Variants in NR1I3 observed in about 807,000 individuals in gnomAD.
NR1I3 encodes the protein constitutive activator of retinoid response.
In NR1I3, 30 loss-of-function variants were observed where a neutral mutation model predicts 38.4. The observed-to-expected ratio is 0.78, with a 90% confidence interval of 0.58 to 1.06. The LOEUF (loss-of-function observed/expected upper bound fraction) is 1.06. Ranked by LOEUF, NR1I3 falls within the 50% of genes least tolerant of loss-of-function variation. The pLI, the probability that NR1I3 is intolerant of heterozygous loss-of-function variation, is 0.00. For missense variants in NR1I3, 388 were observed against 435.7 expected, an observed-to-expected ratio of 0.89 and a Z score of 0.97; for synonymous variants, 143 against 165.1, an observed-to-expected ratio of 0.87 and a Z score of 1.03.
chr1:161,234,499 C>T (rs936553730), intron 3 of NR1I3, among the ~76,000 whole-genome samples: 9 of 152,318 alleles, frequency 5.9e-5, no homozygotes, highest in Admixed American at 5.2e-4. Context: ...TAGTGAGAAT[C>T]GTGTGATATG....
At chr1:161,230,734 A>T (rs780874375) in intron 8 of NR1I3, 79 bp downstream of exon 8, 7 of 1,595,160 alleles carry the variant, frequency 4.4e-6, no homozygotes, top group Non-Finnish European at 5.1e-6. Flanking sequence ...CAGTAAAAAA[A>T]CATTCCTCCC....
At chr1:161,237,027 C>T (rs184235521) in intron 1 of NR1I3, among the ~76,000 whole-genome samples, 1 of 150,762 alleles carries the variant, frequency 6.6e-6, no homozygotes, top group African/African-American at 2.4e-5. Flanking sequence ...ACTCTGTTGC[C>T]TAGTGTTGCC....
chr1:161,237,945 A>C, intron 1 of NR1I3, 96 bp downstream of exon 1: 1 of 1,274,858 alleles, frequency 7.8e-7, no homozygotes. Context: ...TGGCCTCCCA[A>C]AGTGCTGGAA....
In NR1I3 at chr1:161,229,792, T is replaced by A; in HGVS notation, c.*5A>T. 6.2e-7 allele frequency: 1 copy of A among 1,614,214 alleles called. No homozygotes were observed. Among genetic ancestry groups the A allele is most frequent in the Non-Finnish European group, 8.5e-7 (1 of 1,180,036 alleles). On this transcript the variant is annotated 3_prime_UTR_variant, in exon 9 of 9. Coordinates refer to ENST00000367983, the MANE Select transcript of NR1I3 (RefSeq NM_005122.5). The stretch of plus-strand genomic sequence containing the variant: ...GGTGAGCTGGGGAAGGAAGTGAGCA[T>A]GGCCTCAGCTGCAGATCTCCTGGAG...
intron 3 of NR1I3, among the ~76,000 whole-genome samples, chr1:161,234,177 A>G (rs966998795): frequency 1.5e-5 from 2 of 129,452 alleles, no homozygotes; most frequent in Non-Finnish European, 3.4e-5. Flanking sequence ...TTTTTTTTGT[A>G]TTTTTAGTAG....
At position 161,238,037 on chromosome 1, in the gene NR1I3, C is replaced by T; in HGVS notation, c.-34+4G>A. 1 of 1,613,406 alleles carries T rather than the reference C, an allele frequency of 6.2e-7. No individual in the cohort carries two copies. ...TAGTCTTTGGTCCCCAACAGATTTCCTACCTGCTTCTCTTAGGCAGCATGT... is the reference window on the plus strand; with the variant it reads ...TAGTCTTTGGTCCCCAACAGATTTCTTACCTGCTTCTCTTAGGCAGCATGT... On this transcript the variant is annotated splice_donor_region_variant and intron_variant, in intron 1 of 8. Coordinates refer to ENST00000367983, the MANE Select transcript of NR1I3 (RefSeq NM_005122.5).
chr1:161,230,998 T>C (rs1460554488), intron 7 of NR1I3, 80 bp from the exon 8 acceptor site: 20 of 1,612,700 alleles, frequency 1.2e-5, no homozygotes, highest in Non-Finnish European at 1.6e-5. Context: ...GAGGCTGGGA[T>C]AGACCTAGTC....
At chr1:161,230,682 A>G in intron 8 of NR1I3, 131 bp downstream of exon 8, 7 of 1,173,268 alleles carry the variant, frequency 6.0e-6, no homozygotes, top group Admixed American at 2.2e-5. Context: ...GGCCAGGGGG[A>G]AGGACTAGAC....
At chr1:161,235,804 A>C (rs762033528) in intron 3 of NR1I3, 43 bp downstream of exon 3, 1 of 1,612,610 alleles carries the variant, frequency 6.2e-7, no homozygotes, top group Non-Finnish European at 8.5e-7. Flanking sequence ...GGACAAAGAC[A>C]GACGCAGTCA....
intron 8 of NR1I3, 84 bp from the exon 9 acceptor site, chr1:161,230,010 G>C: frequency 6.6e-7 from 1 of 1,512,846 alleles, no homozygotes; most frequent in Non-Finnish European, 9.1e-7. Flanking sequence ...CTGATCCCCT[G>C]AACTATTCCT....
At position 161,235,264 on chromosome 1, in the gene NR1I3, T is replaced by TTC. The variant is rs1558123041; in HGVS notation, c.238+582_238+583insGA. 1.7e-5 allele frequency: 2 copies of TTC among 115,642 alleles called. 1 individual carries two copies. 7.2% of individuals were successfully genotyped at this position (115,642 alleles called of 1,614,324 possible). On this transcript the variant is annotated intron_variant, in intron 3 of 8. Coordinates refer to ENST00000367983, the MANE Select transcript of NR1I3 (RefSeq NM_005122.5). ...GGAAGAGTGCGCTTGGTGTTTTTTT[T>TTC]TTTTTTTTTTTTTTTTTTGAGTCGG...
chr1:161,231,973 CTTA>C (rs1667424655), intron 5 of NR1I3, among the ~76,000 whole-genome samples: 2 of 150,696 alleles, frequency 1.3e-5, no homozygotes. Flanking sequence ...ACAAGGGCAC[CTTA>C]TTATTATTCT....
chr1:161,235,881 CA>C lies in NR1I3; in HGVS notation c.203del (p.Leu68CysfsTer5). ...TCATGCCAGCATCTAAGCACTTCTG[CA>C]ACCTGCAGGCTGGGCAGTGGCGCCT... ...TQRRHCPACR[L>X]QKCLDAGMRK... On this transcript the variant is annotated frameshift_variant, in exon 3 of 9. Transcript: ENST00000367983. LOFTEE classifies it high-confidence loss of function. 6.2e-7 allele frequency: 1 copy of C among 1,614,156 alleles called. No individual in the cohort carries two copies. Among genetic ancestry groups the C allele is most frequent in the Non-Finnish European group, 8.5e-7 (1 of 1,179,992 alleles).
intron 4 of NR1I3, 42 bp downstream of exon 4, chr1:161,233,127 C>A: frequency 6.2e-7 from 1 of 1,602,072 alleles, no homozygotes; most frequent in East Asian, 2.2e-5. Context: ...TTTTTGGGTG[C>A]CCTTTTAGTT....
At chr1:161,231,300 T>G in intron 6 of NR1I3, 29 bp downstream of exon 6, 1 of 1,607,894 alleles carries the variant, frequency 6.2e-7, no homozygotes, top group Non-Finnish European at 8.5e-7. Flanking sequence ...TGAGGACACA[T>G]GCCCCCTATT....
At chr1:161,237,742 A>T (rs934319576) in intron 1 of NR1I3, among the ~76,000 whole-genome samples, 1 of 151,896 alleles carries the variant, frequency 6.6e-6, no homozygotes, top group Non-Finnish European at 1.5e-5. Context: ...AAAACAAAAC[A>T]AAAAACAAAA....
At chr1:161,237,717 CA>C (rs1008012878) in intron 1 of NR1I3, among the ~76,000 whole-genome samples, 2 of 150,218 alleles carry the variant, frequency 1.3e-5, no homozygotes, top group Non-Finnish European at 1.5e-5. Flanking sequence ...GACTCCATCT[CA>C]AAAAAAACCC....
chr1:161,233,404 C>A, intron 3 of NR1I3, 66 bp from the exon 4 acceptor site: 1 of 1,562,314 alleles, frequency 6.4e-7, no homozygotes, highest in Non-Finnish European at 8.7e-7. Flanking sequence ...CTGCTGGTCC[C>A]TGATCTGGGG....
chr1:161,231,011 C>T, intron 7 of NR1I3, 93 bp from the exon 8 acceptor site: 1 of 1,612,786 alleles, frequency 6.2e-7, no homozygotes, highest in Admixed American at 1.7e-5. Context: ...ACCTAGTCTG[C>T]AGGTTTGATA....
Sources: gnomAD v4.1 joint callset for allele counts (sites outside exome capture counted in the v4.1 genomes callset) on GRCh38, gnomAD v4.1.1 for gene constraint, MANE v1.5 for transcripts, NCBI Gene and HGNC (gene_info 2026-07-23, HGNC 2026-07-21) for gene names.